Variants in NCKAP5 observed in about 807,000 individuals in gnomAD.
NCKAP5 encodes NCK associated protein 5, also known as nck-associated protein 5.
NCKAP5 carries 92 observed loss-of-function variants against 167.0 expected under a neutral mutation model. The observed-to-expected ratio is 0.55, with a 90% CI of 0.47 to 0.66. The LOEUF (loss-of-function observed/expected upper bound fraction) is 0.66. NCKAP5 is among the 30% of genes least tolerant of loss of function. The pLI is 0.00. For synonymous variants in NCKAP5, 891 were observed against 877.4 expected (o/e 1.02, Z -0.27); for missense variants, 2,378 against 2,315.0 (o/e 1.03, Z -0.56).
intron 15 of NCKAP5, among the ~76,000 whole-genome samples, chr2:132,779,684 G>A (rs1189094034): frequency 6.7e-6 from 1 of 150,206 alleles, no homozygotes; most frequent in Non-Finnish European, 1.5e-5. Flanking sequence ...TGGCTCTGTA[G>A]AGTCAAGAGC....
intron 5 of NCKAP5, among the ~76,000 whole-genome samples, chr2:133,179,032 G>T (rs1230936545): frequency 6.6e-6 from 1 of 151,968 alleles, no homozygotes; most frequent in African/African-American, 2.4e-5. Context: ...TCTGAGCTTG[G>T]TGGTGTCAGC....
At chr2:132,833,850 T>C (rs963802038) in intron 11 of NCKAP5, among the ~76,000 whole-genome samples, 1 of 152,228 alleles carries the variant, frequency 6.6e-6, no homozygotes, top group African/African-American at 2.4e-5. Context: ...GGGGTCTTTT[T>C]TCATTCCATA....
At chr2:133,034,932 T>C (rs910677336) in intron 6 of NCKAP5, among the ~76,000 whole-genome samples, 10 of 152,050 alleles carry the variant, frequency 6.6e-5, no homozygotes, top group African/African-American at 2.4e-4. Flanking sequence ...TAACACAATG[T>C]AAATGTACTA....
chr2:133,009,729 A>G (rs976472597), intron 6 of NCKAP5, among the ~76,000 whole-genome samples: 1 of 152,208 alleles, frequency 6.6e-6, no homozygotes, highest in African/African-American at 2.4e-5. Flanking sequence ...TAATGTATTA[A>G]GAGCCAGAAG....
At chr2:132,947,868 G>A (rs1330712247) in intron 8 of NCKAP5, among the ~76,000 whole-genome samples, 1 of 152,174 alleles carries the variant, frequency 6.6e-6, no homozygotes, top group East Asian at 1.9e-4. Flanking sequence ...AGTCTTATGA[G>A]AATTGCCTCT....
intron 8 of NCKAP5, among the ~76,000 whole-genome samples, chr2:132,955,548 A>G (rs1341278326): frequency 6.6e-6 from 1 of 152,272 alleles, no homozygotes; most frequent in Admixed American, 6.5e-5. Context: ...TTCTTTATCC[A>G]GTTTATCATT....
intron 8 of NCKAP5, among the ~76,000 whole-genome samples, chr2:132,884,247 C>A (rs901450254): frequency 2.0e-5 from 3 of 152,216 alleles, no homozygotes; most frequent in Admixed American, 1.3e-4. Context: ...TCAGGCTGAT[C>A]ATCCGTTTGC....
chr2:133,019,538 C>A (rs2078454781), intron 6 of NCKAP5, among the ~76,000 whole-genome samples: 1 of 152,136 alleles, frequency 6.6e-6, no homozygotes. Context: ...GGGAAACAGT[C>A]CTTCACATAT....
At chr2:133,132,706 T>G (rs2082652033) in intron 5 of NCKAP5, among the ~76,000 whole-genome samples, 2 of 149,440 alleles carry the variant, frequency 1.3e-5, no homozygotes, top group Admixed American at 1.3e-4. Flanking sequence ...AGGCAGAGTC[T>G]CTCTCTGTCA....
intron 10 of NCKAP5, among the ~76,000 whole-genome samples, chr2:132,864,297 A>G (rs1201937572): frequency 6.6e-6 from 1 of 152,184 alleles, no homozygotes; most frequent in Non-Finnish European, 1.5e-5. Context: ...GGGACATAAC[A>G]TAAATATTTA....
intron 5 of NCKAP5, among the ~76,000 whole-genome samples, chr2:133,203,936 T>C (rs764473359): frequency 1.1e-4 from 17 of 152,234 alleles, no homozygotes; most frequent in Admixed American, 3.3e-4. Context: ...AAGTGTTTTA[T>C]CTGTTGGAAT....
chr2:133,365,906 C>T (rs929588797), intron 3 of NCKAP5, among the ~76,000 whole-genome samples: 11 of 152,180 alleles, frequency 7.2e-5, no homozygotes, highest in Non-Finnish European at 1.5e-4. Context: ...TTAAAGCAGC[C>T]ATGGTGTACC....
At chr2:133,612,331 T>C in the NCKAP5 span, among the ~76,000 whole-genome samples, 3 of 152,200 alleles carry the variant, frequency 2.0e-5, no homozygotes, top group African/African-American at 7.2e-5. Context: ...ACAATTGATT[T>C]ATTCCCAAAG....
intron 4 of NCKAP5, chr2:133,267,539 G>A (rs942685945): frequency 1.3e-5 from 2 of 152,220 alleles, no homozygotes; most frequent in African/African-American, 4.8e-5. Context: ...TAATTGGCCA[G>A]GAAGCTTGGC....
At chr2:132,689,952 T>C (rs75770873) in intron 19 of NCKAP5, among the ~76,000 whole-genome samples, 2,672 of 152,328 alleles carry the variant, frequency 0.018, 35 homozygotes, top group Middle Eastern at 0.031. Flanking sequence ...AGATATAGAT[T>C]GATATCTTAG....
chr2:132,927,500 G>A (rs188605072), intron 8 of NCKAP5, among the ~76,000 whole-genome samples: 46 of 152,050 alleles, frequency 3.0e-4, no homozygotes, highest in African/African-American at 1.1e-3. Context: ...CCATGTGCAT[G>A]GAATATTTTT....
At chr2:133,616,804 A>G in the NCKAP5 span, among the ~76,000 whole-genome samples, 8 of 152,324 alleles carry the variant, frequency 5.3e-5, no homozygotes, top group African/African-American at 1.4e-4. Flanking sequence ...TCATTTTATG[A>G]GGCCAGCATC....
At chr2:133,086,741 A>G (rs1327221259) in intron 6 of NCKAP5, among the ~76,000 whole-genome samples, 1 of 152,204 alleles carries the variant, frequency 6.6e-6, no homozygotes, top group Non-Finnish European at 1.5e-5. Context: ...TTATAACAAC[A>G]TAAGAAATAA....
At chr2:133,187,037 C>T (rs1170875216) in intron 5 of NCKAP5, among the ~76,000 whole-genome samples, 1 of 151,808 alleles carries the variant, frequency 6.6e-6, no homozygotes, top group Non-Finnish European at 1.5e-5. Context: ...TTTCCTACTG[C>T]CATGTCAGAT....
Sources: gnomAD v4.1 joint callset for allele counts (sites outside exome capture counted in the v4.1 genomes callset) on GRCh38, gnomAD v4.1.1 for gene constraint, MANE v1.5 for transcripts, NCBI Gene and HGNC (gene_info 2026-07-23, HGNC 2026-07-21) for gene names.